SNX29: variants seen among roughly 807,000 people sequenced by gnomAD.
SNX29 encodes sorting nexin 29.
In SNX29, 78 loss-of-function variants were observed where a neutral mutation model predicts 102.1. That is an observed-to-expected ratio of 0.76 (90% CI 0.64 to 0.92). The LOEUF is 0.92. Among genes scored for constraint, SNX29 ranks in the 40% least tolerant of loss-of-function variants. The pLI, the probability that SNX29 is intolerant of heterozygous loss-of-function variation, is 0.00. For synonymous variants in SNX29, 580 were observed against 414.5 expected (o/e 1.40, Z -4.85); for missense variants, 1,280 against 1,061.7 (o/e 1.21, Z -2.86).
chr16:12,523,075 G>A (rs1013059778), intron 19 of SNX29, among the ~76,000 whole-genome samples: 1 of 152,158 alleles, frequency 6.6e-6, no homozygotes, highest in South Asian at 2.1e-4. Flanking sequence ...GCTTCCTAAG[G>A]TGCTGGGATT....
chr16:11,976,979 C>G, intron 1 of SNX29, 166 bp downstream of exon 1: 1 of 865,158 alleles, frequency 1.2e-6, no homozygotes, highest in Non-Finnish European at 1.5e-6. Context: ...GCTCGTGGCC[C>G]CTGCTCACCT....
chr16:12,490,368 A>C (rs1182505818), intron 19 of SNX29, among the ~76,000 whole-genome samples: 1 of 152,232 alleles, frequency 6.6e-6, no homozygotes, highest in African/African-American at 2.4e-5. Flanking sequence ...ATGTTGTTGC[A>C]AGTAGCAATT....
In SNX29 at chr16:12,366,042, C is replaced by CAAAAAA. The variant is rs55895030; in HGVS notation, c.1899+9786_1899+9791dup. On this transcript the variant is annotated intron_variant, in intron 16 of 20. Transcript: ENST00000566228. ...GGGCGTCAGAGTGAGACTCTTGTCT[C>CAAAAAA]AAAAAAAAAAAAAAAAAAAAAAAAA... Among the ~76,000 whole-genome samples the CAAAAAA allele has an allele frequency of 1.4e-3, 100 of 72,428 alleles. 5 individuals carry two copies. Among genetic ancestry groups the CAAAAAA allele is most frequent in the African/African-American group, 4.0e-3 (91 of 22,492 alleles). The allele number at this position is 72,428 out of a possible 152,430, so 47.5% of individuals were successfully genotyped here.
chr16:12,353,488 G>T (rs918795198), intron 15 of SNX29, among the ~76,000 whole-genome samples: 6 of 141,376 alleles, frequency 4.2e-5, no homozygotes, highest in Admixed American at 3.4e-4. Flanking sequence ...CCATTTCATA[G>T]ACGCACAGCC....
chr16:12,022,229 T>G lies in SNX29; in HGVS notation c.123-5091T>G, dbSNP rs990947496. On this transcript the variant is annotated intron_variant, in intron 3 of 20. Coordinates refer to ENST00000566228, the MANE Select transcript of SNX29 (RefSeq NM_032167.5). ...TTTTTTTTTTCTTTGAGGCAGAGTT[T>G]CGCTCTTGTTGCTCAGGCTGGAGTA... is the stretch of plus-strand genomic sequence containing the variant. Among the ~76,000 whole-genome samples the G allele has an allele frequency of 2.0e-5, 3 of 151,562 alleles. No homozygotes were observed. The East Asian group carries it at 5.8e-4, about 29-fold the overall frequency.
intron 13 of SNX29, among the ~76,000 whole-genome samples, chr16:12,195,104 G>A (rs562680904): frequency 4.6e-5 from 7 of 152,318 alleles, no homozygotes; most frequent in Admixed American, 2.6e-4. Flanking sequence ...AGGGGTTAGA[G>A]TAAATACACT....
chr16:12,184,038 T>G (rs534470059), intron 13 of SNX29, among the ~76,000 whole-genome samples: 25 of 152,376 alleles, frequency 1.6e-4, no homozygotes, highest in African/African-American at 5.8e-4. Flanking sequence ...GCTCTGTTGA[T>G]GGAGTAGCCA....
intron 15 of SNX29, among the ~76,000 whole-genome samples, chr16:12,279,156 C>A (rs184832164): frequency 2.0e-5 from 3 of 152,074 alleles, no homozygotes. Context: ...AGCAAACTTT[C>A]GGTTCTTTCT....
chr16:12,117,704 CACA>C (rs2053792595), intron 11 of SNX29, among the ~76,000 whole-genome samples: 1 of 152,160 alleles, frequency 6.6e-6, no homozygotes, highest in Non-Finnish European at 1.5e-5. Flanking sequence ...GTGATGGTTG[CACA>C]ACATTTTGAA....
intron 18 of SNX29, among the ~76,000 whole-genome samples, chr16:12,420,459 G>A (rs2084827576): frequency 6.6e-6 from 1 of 152,146 alleles, no homozygotes; most frequent in African/African-American, 2.4e-5. Context: ...GGAAGCCCGT[G>A]GGTCTGCTGG....
At chr16:12,066,768 G>A (rs1316712769) in intron 9 of SNX29, among the ~76,000 whole-genome samples, 14 of 151,618 alleles carry the variant, frequency 9.2e-5, no homozygotes, top group Admixed American at 9.2e-4. Context: ...CTGAGGGAGG[G>A]GTTCCTTGGG....
At chr16:12,039,862 C>T (rs1237112722) in intron 4 of SNX29, among the ~76,000 whole-genome samples, 3 of 152,156 alleles carry the variant, frequency 2.0e-5, no homozygotes, top group African/African-American at 4.8e-5. Context: ...GGCTTCAGAC[C>T]TTGTCTTTCA....
chr16:12,536,093 C>G lies in SNX29; in HGVS notation c.2318+11252C>G, dbSNP rs139395510. On this transcript the variant is annotated intron_variant, in intron 20 of 20. Transcript: ENST00000566228. ...ATCTAACACACCCAGGATGTTTTGC[C>G]TGGACCAGAGAGAAGGGTGAACACA... 5.1e-3 allele frequency among the ~76,000 whole-genome samples: 772 copies of G among 152,260 alleles called. 4 individuals carry two copies. Among genetic ancestry groups the G allele is most frequent in the Non-Finnish European group, 9.3e-3 (634 of 68,024 alleles).
intron 14 of SNX29, among the ~76,000 whole-genome samples, chr16:12,204,875 G>A (rs777008770): frequency 9.2e-5 from 14 of 152,174 alleles, no homozygotes; most frequent in East Asian, 1.9e-4. Context: ...CCACTCCTGC[G>A]TGTGCTTTGT....
chr16:12,558,490 A>G (rs1221233250), intron 20 of SNX29, among the ~76,000 whole-genome samples: 1 of 152,222 alleles, frequency 6.6e-6, no homozygotes, highest in Non-Finnish European at 1.5e-5. Flanking sequence ...AGCACAGTGC[A>G]TCTTTAGTTT....
At position 12,340,725 on chromosome 16, in the gene SNX29, G is replaced by A. The variant is rs1162870872; in HGVS notation, c.1783-15438G>A. ...CCCCTGTCTCTCTTTCACAACCCCG[G>A]CAGCAAACATCTCTAAGAGTCTGAT... On this transcript the variant is annotated intron_variant, in intron 15 of 20. Transcript: ENST00000566228. Among the ~76,000 whole-genome samples, 5 of 152,130 alleles carry A rather than the reference G, an allele frequency of 3.3e-5. No individual in the cohort carries two copies. In the East Asian group the frequency reaches 5.8e-4, roughly 18 times the overall value.
chr16:12,551,806 T>C (rs1363478689), intron 20 of SNX29, among the ~76,000 whole-genome samples: 1 of 152,218 alleles, frequency 6.6e-6, no homozygotes, highest in Non-Finnish European at 1.5e-5. Context: ...ATCAAACTTC[T>C]GTATCCCCGC....
chr16:12,156,716 A>G (rs141783059), intron 13 of SNX29, among the ~76,000 whole-genome samples: 2 of 152,368 alleles, frequency 1.3e-5, no homozygotes, highest in African/African-American at 4.8e-5. Context: ...TCCTTAGCAA[A>G]TGGCTGTCCA....
At chr16:12,218,875 C>A (rs891021219) in intron 14 of SNX29, among the ~76,000 whole-genome samples, 3 of 152,064 alleles carry the variant, frequency 2.0e-5, no homozygotes, top group African/African-American at 7.2e-5. Context: ...GCCGGGTTCA[C>A]GCCATTCTCC....
Sources: allele counts gnomAD v4.1 joint callset (sites outside exome capture counted in the v4.1 genomes callset), GRCh38; gene constraint gnomAD v4.1.1; transcripts MANE v1.5; gene names NCBI Gene and HGNC (gene_info 2026-07-23, HGNC 2026-07-21).